RELCH: variants seen among roughly 807,000 people sequenced by gnomAD.
RELCH encodes the protein RAB11 binding and LisH domain, coiled-coil and HEAT repeat containing, also known as RAB11-binding protein RELCH.
A neutral mutation model predicts 150.3 loss-of-function variants in RELCH; 41 were observed. The observed-to-expected ratio is 0.27, with a 90% CI of 0.21 to 0.35. The LOEUF (loss-of-function observed/expected upper bound fraction) is 0.35, where lower values mean the gene tolerates loss of function less well. RELCH is among the 10% of genes least tolerant of loss of function. RELCH has a pLI of 1.00. For missense variants in RELCH, 1,092 were observed against 1,467.8 expected (o/e 0.74, Z 4.18); for synonymous variants, 478 against 531.8 (o/e 0.90, Z 1.39).
chr18:62,220,573 A>C (rs2040801909), intron 2 of RELCH, among the ~76,000 whole-genome samples: 1 of 151,632 alleles, frequency 6.6e-6, no homozygotes, highest in African/African-American at 2.4e-5. Flanking sequence ...TTTTAAGTTA[A>C]CTTTTGTAAA....
At chr18:62,268,543 A>C (rs2043712565) in intron 19 of RELCH, 1 of 164,114 alleles carries the variant, frequency 6.1e-6, no homozygotes, top group Admixed American at 6.5e-5. Context: ...GAAAGCATAA[A>C]AATTTTGGAC....
At chr18:62,231,415 T>C (rs575934793) in intron 9 of RELCH, 146 bp downstream of exon 9, 1 of 506,372 alleles carries the variant, frequency 2.0e-6, no homozygotes, top group African/African-American at 2.0e-5. Context: ...TAAGATATAG[T>C]TCCTAAAATT....
In RELCH at chr18:62,228,356, C is replaced by T. The variant is rs1306869548; in HGVS notation, c.1206C>T (p.Asp402=). ...NEHFAIPAVC[D]SVQPPLDQLP... ...ACTTTGCCATCCCAGCAGTTTGTGA[C>T]TCTGTTCAGCCTCCTTTGGATCAGT... Residue 402 remains aspartate, a synonymous_variant, in exon 8 of 29, where the codon GAC becomes GAT. Transcript: ENST00000644646. 2 of 1,613,274 alleles carry T rather than the reference C, an allele frequency of 1.2e-6. No individual in the cohort carries two copies. Among genetic ancestry groups the T allele is most frequent in the Middle Eastern group, 1.7e-4 (1 of 6,050 alleles).
intron 1 of RELCH, among the ~76,000 whole-genome samples, chr18:62,209,310 T>A (rs2040010034): frequency 6.6e-6 from 1 of 152,250 alleles, no homozygotes; most frequent in South Asian, 2.1e-4. Context: ...GATCCATTTT[T>A]GCTTGTGATG....
At chr18:62,277,960 C>G in intron 22 of RELCH, 2 of 448,996 alleles carry the variant, frequency 4.5e-6, no homozygotes, top group Non-Finnish European at 5.9e-6. Context: ...CCTTTGCAGG[C>G]CCTGCAACTT....
intron 11 of RELCH, among the ~76,000 whole-genome samples, chr18:62,247,925 T>A (rs2042505399): frequency 6.6e-6 from 1 of 152,178 alleles, no homozygotes; most frequent in African/African-American, 2.4e-5. Context: ...CAAACTTTTG[T>A]GGTTTCAATA....
At chr18:62,294,158 T>C (rs2045290676) in intron 27 of RELCH, among the ~76,000 whole-genome samples, 1 of 152,184 alleles carries the variant, frequency 6.6e-6, no homozygotes, top group African/African-American at 2.4e-5. Context: ...TTTGTTATTA[T>C]AAACAGAATT....
chr18:62,219,545 T>G (rs184044841), intron 2 of RELCH, among the ~76,000 whole-genome samples: 5 of 151,584 alleles, frequency 3.3e-5, no homozygotes, highest in African/African-American at 1.2e-4. Context: ...AAACCTATTC[T>G]GTACTTACCT....
intron 19 of RELCH, chr18:62,268,539 A>G (rs1300296315): frequency 6.1e-6 from 1 of 163,892 alleles, no homozygotes. Flanking sequence ...AATTGAAAGC[A>G]TAAAAATTTT....
At chr18:62,231,045 C>G (rs1429866576) in intron 8 of RELCH, 149 bp from the exon 9 acceptor site, 5 of 578,388 alleles carry the variant, frequency 8.6e-6, no homozygotes, top group Non-Finnish European at 1.5e-5. Context: ...GTGAAGTGTT[C>G]TTCAAGTCAC....
chr18:62,273,412 A>G (rs1369226831), intron 20 of RELCH, among the ~76,000 whole-genome samples: 1 of 152,166 alleles, frequency 6.6e-6, no homozygotes, highest in Non-Finnish European at 1.5e-5. Context: ...AGGATATTGC[A>G]AAGATAATTT....
chr18:62,309,945 C>A lies in RELCH; in HGVS notation c.*4411C>A, dbSNP rs1405984520. On this transcript the variant is annotated 3_prime_UTR_variant, in exon 29 of 29. Coordinates refer to ENST00000644646, the MANE Select transcript of RELCH (RefSeq NM_001346231.2). ...AGTAATCTGCTTTTTATAATTTTAACAAACTGCTTCCCTCCTGGAAAAGTA... is the reference window on the plus strand; with the variant it reads ...AGTAATCTGCTTTTTATAATTTTAAAAAACTGCTTCCCTCCTGGAAAAGTA... The A allele has an allele frequency of 6.6e-6, 1 of 152,148 alleles. No homozygotes were observed. Among genetic ancestry groups the A allele is most frequent in the African/African-American group, 2.4e-5 (1 of 41,436 alleles). The allele number at this position is 152,148 out of a possible 1,614,324, so 9.4% of individuals were successfully genotyped here. A position where few individuals can be genotyped will look rare whatever the true frequency, so the allele number is the denominator to read the frequency against.
rs144903608 is a variant in RELCH at position 62,259,908 on chromosome 18, A to G, written c.2202+1232A>G. Among the ~76,000 whole-genome samples, 234 of 151,970 alleles carry G rather than the reference A, an allele frequency of 1.5e-3. 1 individual carries two copies. Among genetic ancestry groups the G allele is most frequent in the African/African-American group, 5.3e-3 (218 of 41,516 alleles). ...AAAGGACAGTTTCTTCAGTAAGTCAACTGAAAATGGATTAAAGACTTAAAT... is the reference window on the plus strand; with the variant it reads ...AAAGGACAGTTTCTTCAGTAAGTCAGCTGAAAATGGATTAAAGACTTAAAT... On this transcript the variant is annotated intron_variant, in intron 15 of 28. Transcript: ENST00000644646.
intron 1 of RELCH, among the ~76,000 whole-genome samples, chr18:62,206,598 T>A (rs1471792109): frequency 6.6e-6 from 1 of 152,250 alleles, no homozygotes; most frequent in African/African-American, 2.4e-5. Context: ...GATCAATATG[T>A]ATACTTTAAG....
At chr18:62,224,136 A>G (rs2041061365) in intron 5 of RELCH, among the ~76,000 whole-genome samples, 1 of 152,028 alleles carries the variant, frequency 6.6e-6, no homozygotes, top group South Asian at 2.1e-4. Flanking sequence ...ATGCCCCAAC[A>G]GGCCCTGGTG....
At chr18:62,246,599 G>T (rs2042427061) in intron 11 of RELCH, 1 of 152,188 alleles carries the variant, frequency 6.6e-6, no homozygotes, top group African/African-American at 2.4e-5. Flanking sequence ...AAAATTTTCT[G>T]TTACTCTAAT....
intron 2 of RELCH, among the ~76,000 whole-genome samples, chr18:62,217,945 A>G (rs1055468139): frequency 3.4e-4 from 51 of 151,946 alleles, no homozygotes; most frequent in Non-Finnish European, 5.6e-4. Flanking sequence ...TCTTGCTTTC[A>G]CTTATTTATT....
At chr18:62,274,921 G>T (rs1165243362) in intron 21 of RELCH, among the ~76,000 whole-genome samples, 1 of 152,124 alleles carries the variant, frequency 6.6e-6, no homozygotes, top group African/African-American at 2.4e-5. Flanking sequence ...TTAGTTGTTT[G>T]TTTCTATGTT....
intron 1 of RELCH, among the ~76,000 whole-genome samples, chr18:62,193,834 G>A (rs1201502941): frequency 6.6e-6 from 1 of 152,022 alleles, no homozygotes. Flanking sequence ...TTAAATTAAG[G>A]TTTTTTACAT....
Sources: allele counts gnomAD v4.1 joint callset (sites outside exome capture counted in the v4.1 genomes callset), GRCh38; gene constraint gnomAD v4.1.1; transcripts MANE v1.5; gene names NCBI Gene and HGNC (gene_info 2026-07-23, HGNC 2026-07-21).